SH3KBP1: variants seen among roughly 807,000 people sequenced by gnomAD.
The protein encoded by SH3KBP1 is SH3 domain-containing kinase-binding protein 1.
Under a neutral mutation model 50.1 loss-of-function variants are expected in SH3KBP1, and 8 were observed. That is an observed-to-expected ratio of 0.16 (90% CI 0.09 to 0.29). The LOEUF (loss-of-function observed/expected upper bound fraction) is 0.29. Among genes scored for constraint, SH3KBP1 ranks in the 10% least tolerant of loss-of-function variants. SH3KBP1 has a pLI of 1.00. For missense variants in SH3KBP1, 377 were observed against 535.2 expected (o/e 0.70, Z 2.92); for synonymous variants, 227 against 218.6 (o/e 1.04, Z -0.34).
chrX:19,583,307 C>G (rs1181812497), intron 12 of SH3KBP1, among the ~76,000 whole-genome samples: 1 of 108,835 alleles, frequency 9.2e-6, no homozygotes, highest in African/African-American at 3.3e-5. Flanking sequence ...GCACCCGCCA[C>G]CAAGCCTGGC....
intron 2 of SH3KBP1, among the ~76,000 whole-genome samples, chrX:19,793,836 A>T (rs2066618909): frequency 9.0e-6 from 1 of 111,089 alleles, no homozygotes; most frequent in Non-Finnish European, 1.9e-5. Flanking sequence ...CTTAGTGATC[A>T]GACAACATGA....
At chrX:19,853,124 G>C (rs1167609507) in intron 1 of SH3KBP1, among the ~76,000 whole-genome samples, 1 of 112,775 alleles carries the variant, frequency 8.9e-6, no homozygotes, top group South Asian at 3.6e-4. Flanking sequence ...TTTTATCTCT[G>C]TCTCTGTGTA....
intron 8 of SH3KBP1, among the ~76,000 whole-genome samples, chrX:19,630,925 A>AT (rs2061561040): frequency 9.0e-6 from 1 of 111,685 alleles, no homozygotes; most frequent in Non-Finnish European, 1.9e-5. Flanking sequence ...CCTCTCAGTA[A>AT]TGGCCACAGT....
At chrX:19,739,059 CAG>C (rs1249062255) in intron 3 of SH3KBP1, among the ~76,000 whole-genome samples, 2 of 102,732 alleles carry the variant, frequency 1.9e-5, no homozygotes, top group South Asian at 4.4e-4. Context: ...GTGCCTTATG[CAG>C]AGAGTTTGGA....
chrX:19,745,588 G>A (rs1324014677), intron 3 of SH3KBP1, among the ~76,000 whole-genome samples: 1 of 111,894 alleles, frequency 8.9e-6, no homozygotes, highest in Non-Finnish European at 1.9e-5. Context: ...GCAGCCAAGC[G>A]CTAACCTACA....
chrX:19,822,847 G>A (rs997864171), intron 2 of SH3KBP1, among the ~76,000 whole-genome samples: 5 of 112,153 alleles, frequency 4.5e-5, no homozygotes, highest in African/African-American at 9.7e-5. Flanking sequence ...CAGTTTTAAC[G>A]ATAGTTTGAT....
At chrX:19,603,730 C>T (rs1001682685) in intron 9 of SH3KBP1, among the ~76,000 whole-genome samples, 6 of 112,113 alleles carry the variant, frequency 5.4e-5, no homozygotes, top group African/African-American at 1.9e-4. Context: ...CTCTGTTGCC[C>T]AGGCTGGAGT....
intron 2 of SH3KBP1, among the ~76,000 whole-genome samples, chrX:19,755,387 A>G (rs1332038129): frequency 8.9e-6 from 1 of 111,955 alleles, no homozygotes; most frequent in Non-Finnish European, 1.9e-5. Flanking sequence ...TAAATAAATA[A>G]AAATAAATTA....
chrX:19,767,323 C>A lies in SH3KBP1; in HGVS notation c.163-20882G>T, dbSNP rs1047556992. Among the ~76,000 whole-genome samples, 6 of 111,834 alleles carry A rather than the reference C, an allele frequency of 5.4e-5. No homozygotes were observed. The Admixed American group carries it at 5.7e-4, about 11-fold the overall frequency. On this transcript the variant is annotated intron_variant, in intron 2 of 17. Coordinates refer to ENST00000397821, the MANE Select transcript of SH3KBP1 (RefSeq NM_031892.3). Reference sequence around the variant, plus strand: ...AGGAGGGAAAATTCCAAATTTTCTCCCACATTCTGACATTGGCATTAACAT... The same window carrying A: ...AGGAGGGAAAATTCCAAATTTTCTCACACATTCTGACATTGGCATTAACAT...
At chrX:19,604,464 G>A (rs1451386879) in intron 9 of SH3KBP1, among the ~76,000 whole-genome samples, 8 of 111,676 alleles carry the variant, frequency 7.2e-5, no homozygotes, top group East Asian at 5.6e-4. Flanking sequence ...GGATGCCTAC[G>A]GAGTCAAGAG....
rs60032683 is a variant in SH3KBP1 at position 19,732,596 on chromosome X, TACACACAC to T, written c.286+13714_286+13721del. Among the ~76,000 whole-genome samples the T allele has an allele frequency of 5.6e-4, 51 of 90,740 alleles. 1 individual carries two copies. Among genetic ancestry groups the T allele is most frequent in the African/African-American group, 6.5e-4 (16 of 24,718 alleles). 78.8% of individuals were successfully genotyped at this position (90,740 alleles called of 115,157 possible). ...ATTCCTTAATTTGGATAAAAATCCC[TACACACAC>T]ACACACACACACACACACACACACA... On this transcript the variant is annotated intron_variant, in intron 3 of 17. Coordinates refer to ENST00000397821, the MANE Select transcript of SH3KBP1 (RefSeq NM_031892.3).
chrX:19,561,941 T>C (rs2065693023), intron 13 of SH3KBP1, among the ~76,000 whole-genome samples: 1 of 109,351 alleles, frequency 9.1e-6, no homozygotes, highest in African/African-American at 3.4e-5. Context: ...TAAGCTTGGT[T>C]CTAAATCAGG....
intron 2 of SH3KBP1, among the ~76,000 whole-genome samples, chrX:19,781,350 G>A (rs1357231698): frequency 2.7e-5 from 3 of 111,089 alleles, no homozygotes; most frequent in East Asian, 5.6e-4. Context: ...AAGCATGGTG[G>A]CTCATGTCTG....
chrX:19,580,264 A>G (rs1188351592), intron 12 of SH3KBP1, among the ~76,000 whole-genome samples: 3 of 112,074 alleles, frequency 2.7e-5, no homozygotes, highest in African/African-American at 9.7e-5. Flanking sequence ...TGAATCATAC[A>G]TACACATACA....
At position 19,749,103 on chromosome X, in the gene SH3KBP1, G is replaced by A. The variant is rs1197299998; in HGVS notation, c.163-2662C>T. 2.6e-4 allele frequency among the ~76,000 whole-genome samples: 29 copies of A among 112,390 alleles called. No individual in the cohort carries two copies. The Admixed American group carries it at 2.6e-3, about 10-fold the overall frequency. ...GAAAACCACAATGAAATACCCTTTC[G>A]TACCTACTAGGATGGCTAGAATTTT... On this transcript the variant is annotated intron_variant, in intron 2 of 17. Coordinates refer to ENST00000397821, the MANE Select transcript of SH3KBP1 (RefSeq NM_031892.3).
intron 1 of SH3KBP1, among the ~76,000 whole-genome samples, chrX:19,837,462 CTTTTTTTTTTT>C (rs777871798): frequency 2.7e-5 from 2 of 72,753 alleles, no homozygotes; most frequent in Non-Finnish European, 4.9e-5. Context: ...TTTCATAACA[CTTTTTTTTTTT>C]TTTTTTTTTT....
chrX:19,852,173 G>A (rs2068527682), intron 1 of SH3KBP1, among the ~76,000 whole-genome samples: 1 of 111,060 alleles, frequency 9.0e-6, no homozygotes, highest in South Asian at 3.8e-4. Flanking sequence ...TTTGCACTGA[G>A]ACACACCAGC....
At chrX:19,640,736 T>TA (rs757430902) in intron 7 of SH3KBP1, among the ~76,000 whole-genome samples, 9 of 111,415 alleles carry the variant, frequency 8.1e-5, no homozygotes, top group Admixed American at 9.5e-5. Context: ...GACCATAGGC[T>TA]ACTCCCTTTG....
At chrX:19,800,065 C>G (rs1268806326) in intron 2 of SH3KBP1, among the ~76,000 whole-genome samples, 1 of 111,217 alleles carries the variant, frequency 9.0e-6, no homozygotes, top group Non-Finnish European at 1.9e-5. Flanking sequence ...TTTGAGACAG[C>G]TGAAACACTC....
Sources: gnomAD v4.1 joint callset for allele counts (sites outside exome capture counted in the v4.1 genomes callset) on GRCh38, gnomAD v4.1.1 for gene constraint, MANE v1.5 for transcripts, NCBI Gene and HGNC (gene_info 2026-07-23, HGNC 2026-07-21) for gene names.